GREB1L: variants seen among roughly 807,000 people sequenced by gnomAD.
The protein encoded by GREB1L is GREB1 like retinoic acid receptor coactivator, also known as GREB1-like protein.
GREB1L carries 17 observed loss-of-function variants against 200.8 expected under a neutral mutation model. The observed-to-expected ratio is 0.08, with a 90% confidence interval of 0.06 to 0.13. The LOEUF (loss-of-function observed/expected upper bound fraction) is 0.13. GREB1L is among the 10% of genes least tolerant of loss of function. GREB1L has a pLI of 1.00. For missense variants in GREB1L, 1,657 were observed against 2,367.7 expected (o/e 0.70, Z 6.23); for synonymous variants, 789 against 893.0 (o/e 0.88, Z 2.08).
intron 1 of GREB1L, among the ~76,000 whole-genome samples, chr18:21,267,859 TC>T (rs1293458395): frequency 2.6e-5 from 4 of 151,030 alleles, no homozygotes; most frequent in African/African-American, 9.8e-5. Context: ...GAAAAAGTGA[TC>T]ATTGCTCCCA....
intron 1 of GREB1L, among the ~76,000 whole-genome samples, chr18:21,333,928 G>A (rs1471956852): frequency 7.2e-5 from 11 of 151,728 alleles, no homozygotes; most frequent in Admixed American, 7.2e-4. Context: ...GCTGCAGTGA[G>A]TCATGGTTGT....
At chr18:21,271,335 A>G (rs1206434263) in intron 1 of GREB1L, among the ~76,000 whole-genome samples, 1 of 152,016 alleles carries the variant, frequency 6.6e-6, no homozygotes, top group Non-Finnish European at 1.5e-5. Flanking sequence ...GCATTAGTGT[A>G]TTGTCATGTT....
intron 1 of GREB1L, among the ~76,000 whole-genome samples, chr18:21,280,011 C>G (rs2038241685): frequency 6.6e-6 from 1 of 152,190 alleles, no homozygotes; most frequent in Admixed American, 6.5e-5. Context: ...ATATTTGTTA[C>G]AGTTGATGAA....
chr18:21,289,015 C>T (rs1409772549), intron 1 of GREB1L, among the ~76,000 whole-genome samples: 4 of 152,256 alleles, frequency 2.6e-5, no homozygotes, highest in South Asian at 2.1e-4. Context: ...GGATTACAGG[C>T]GTGAGCCACT....
chr18:21,469,771 C>T (rs1285559305), intron 15 of GREB1L, among the ~76,000 whole-genome samples: 1 of 152,098 alleles, frequency 6.6e-6, no homozygotes, highest in African/African-American at 2.4e-5. Flanking sequence ...AAACCTAGTT[C>T]TCATTATCTA....
intron 1 of GREB1L, among the ~76,000 whole-genome samples, chr18:21,274,472 A>G (rs1404462613): frequency 6.6e-6 from 1 of 152,090 alleles, no homozygotes; most frequent in East Asian, 1.9e-4. Flanking sequence ...GTCCCGTGGC[A>G]TGATAACGGC....
intron 2 of GREB1L, among the ~76,000 whole-genome samples, chr18:21,379,218 T>C (rs1191903496): frequency 1.3e-5 from 2 of 152,178 alleles, no homozygotes; most frequent in East Asian, 3.9e-4. Flanking sequence ...ATTTTCTTTT[T>C]TATTTTGAAA....
intron 1 of GREB1L, among the ~76,000 whole-genome samples, chr18:21,265,107 AG>A (rs1277855856): frequency 6.6e-6 from 1 of 152,186 alleles, no homozygotes; most frequent in Non-Finnish European, 1.5e-5. Context: ...TTTGAGATGA[AG>A]GAAAAAGAGA....
At chr18:21,415,712 A>G (rs988257003) in intron 7 of GREB1L, among the ~76,000 whole-genome samples, 1 of 152,272 alleles carries the variant, frequency 6.6e-6, no homozygotes, top group Non-Finnish European at 1.5e-5. Context: ...GGAAAACCAC[A>G]TAATACATCA....
At chr18:21,393,794 T>C (rs2040930329) in intron 4 of GREB1L, among the ~76,000 whole-genome samples, 1 of 151,962 alleles carries the variant, frequency 6.6e-6, no homozygotes, top group African/African-American at 2.4e-5. Context: ...AACCGCAACC[T>C]TAAGTGATCC....
At chr18:21,265,145 C>T (rs1177041912) in intron 1 of GREB1L, among the ~76,000 whole-genome samples, 1 of 152,064 alleles carries the variant, frequency 6.6e-6, no homozygotes, top group African/African-American at 2.4e-5. Context: ...ATGTCTGAAT[C>T]AAATACCCTG....
intron 15 of GREB1L, among the ~76,000 whole-genome samples, chr18:21,467,724 C>T (rs563047675): frequency 6.6e-6 from 1 of 152,182 alleles, no homozygotes; most frequent in Admixed American, 6.5e-5. Flanking sequence ...CCAGAAATTC[C>T]ACTCCAAGAT....
intron 11 of GREB1L, among the ~76,000 whole-genome samples, chr18:21,447,161 T>G (rs2145362280): frequency 6.6e-6 from 1 of 152,240 alleles, no homozygotes; most frequent in African/African-American, 2.4e-5. Context: ...GGCTCACGCT[T>G]GTAATCTCAG....
At chr18:21,375,965 C>T (rs973657834) in intron 2 of GREB1L, among the ~76,000 whole-genome samples, 2 of 152,118 alleles carry the variant, frequency 1.3e-5, no homozygotes, top group African/African-American at 4.8e-5. Context: ...GCCAGTAATG[C>T]CTGCCATTGT....
chr18:21,506,903 T>C (rs2037041310), intron 25 of GREB1L, among the ~76,000 whole-genome samples: 1 of 152,164 alleles, frequency 6.6e-6, no homozygotes, highest in Admixed American at 6.5e-5. Flanking sequence ...CTTCCCCAAA[T>C]TCATCTTTAT....
chr18:21,381,627 A>G (rs964867968), intron 2 of GREB1L, among the ~76,000 whole-genome samples: 1 of 152,202 alleles, frequency 6.6e-6, no homozygotes, highest in Non-Finnish European at 1.5e-5. Context: ...ACCTGTTGCA[A>G]TATCACACAT....
intron 25 of GREB1L, 125 bp downstream of exon 25, chr18:21,506,074 A>T: frequency 9.7e-7 from 1 of 1,027,594 alleles, no homozygotes; most frequent in East Asian, 2.7e-5. Flanking sequence ...TAGTTTACTC[A>T]TAAGAAGGAG....
chr18:21,386,555 T>C (rs1377196106), intron 4 of GREB1L, among the ~76,000 whole-genome samples: 1 of 148,962 alleles, frequency 6.7e-6, no homozygotes, highest in Non-Finnish European at 1.5e-5. Flanking sequence ...CCCAAAGTGC[T>C]GGGATTATAG....
At chr18:21,439,722 A>T (rs2033790002) in intron 8 of GREB1L, 85 bp downstream of exon 8, 1 of 866,884 alleles carries the variant, frequency 1.2e-6, no homozygotes, top group Admixed American at 2.0e-5. Context: ...TTATCTGGCA[A>T]CACACTCTAG....
Sources: gnomAD v4.1 joint callset for allele counts (sites outside exome capture counted in the v4.1 genomes callset) on GRCh38, gnomAD v4.1.1 for gene constraint, MANE v1.5 for transcripts, NCBI Gene and HGNC (gene_info 2026-07-23, HGNC 2026-07-21) for gene names.